Variants in SCARB1 observed in about 807,000 individuals in gnomAD.
SCARB1 encodes CD36 and LIMPII analogous 1.
A neutral mutation model predicts 57.2 loss-of-function variants in SCARB1; 30 were observed. The ratio of observed to expected loss-of-function variants is 0.52; its 90% CI spans 0.39 to 0.71. The LOEUF is 0.71. Among genes scored for constraint, SCARB1 ranks in the 30% least tolerant of loss-of-function variants. The pLI, the probability that SCARB1 is intolerant of heterozygous loss-of-function variation, is 0.00. For synonymous variants in SCARB1, 249 were observed against 268.3 expected, an observed-to-expected ratio of 0.93 and a Z score of 0.70; for missense variants, 543 against 671.2, an observed-to-expected ratio of 0.81 and a Z score of 2.11.
At chr12:124,815,999 T>A (rs1950698989) in intron 2 of SCARB1, among the ~76,000 whole-genome samples, 1 of 151,898 alleles carries the variant, frequency 6.6e-6, no homozygotes, top group Non-Finnish European at 1.5e-5. Context: ...ACTGTCTCCC[T>A]CCCTCGTAAC....
intron 12 of SCARB1, among the ~76,000 whole-genome samples, chr12:124,780,399 G>A (rs1566123689): frequency 6.6e-6 from 1 of 152,162 alleles, no homozygotes; most frequent in South Asian, 2.1e-4. Flanking sequence ...TCCCAAGCAA[G>A]GCAGCCCCTC....
intron 8 of SCARB1, among the ~76,000 whole-genome samples, chr12:124,795,852 A>G (rs1266182077): frequency 2.0e-5 from 3 of 152,224 alleles, no homozygotes; most frequent in African/African-American, 7.2e-5. Context: ...GACAGACAAC[A>G]ATATTTTACA....
Position 124,795,235 on chromosome 12 carries a change from G to A in SCARB1, c.1162C>T (p.Leu388=), listed in dbSNP as rs752824183. 8.7e-6 allele frequency: 14 copies of A among 1,614,046 alleles called. No homozygotes were observed. Among genetic ancestry groups the A allele is most frequent in the Non-Finnish European group, 1.1e-5 (13 of 1,179,926 alleles). ...TGIPMNCSVK[L]QLSLYMKSVA... is the part of the protein sequence containing the mutation. ...GATTTCATGTAGAGGCTCAGCTGCA[G>A]TTTCACAGAGCAGTTCATGGGGATT... Residue 388 remains leucine, a synonymous_variant, in exon 9 of 13, where the codon CTG becomes TTG. Transcript: ENST00000261693.
chr12:124,858,824 A>C (rs1275545982), intron 1 of SCARB1, among the ~76,000 whole-genome samples: 3 of 151,436 alleles, frequency 2.0e-5, no homozygotes, highest in Non-Finnish European at 2.9e-5. Flanking sequence ...GCTTGCAGTG[A>C]GCCGAGATCG....
chr12:124,801,917 G>A (rs1298324687), intron 7 of SCARB1, among the ~76,000 whole-genome samples: 1 of 151,590 alleles, frequency 6.6e-6, no homozygotes, highest in Non-Finnish European at 1.5e-5. Flanking sequence ...TTAGGAGGCC[G>A]AGGCGGGTGG....
At chr12:124,792,869 C>T (rs1471330927) in intron 9 of SCARB1, among the ~76,000 whole-genome samples, 2 of 151,912 alleles carry the variant, frequency 1.3e-5, no homozygotes, top group Non-Finnish European at 2.9e-5. Context: ...CATGGGGCTA[C>T]AGTCAGCTGG....
chr12:124,807,958 ACCCAGACCCGGCGG>A lies in SCARB1; in HGVS notation c.843-45_843-32del, dbSNP rs750374448. ...GGGGACAGACAGGATGAGAGGGGAC[ACCCAGACCCGGCGG>A]CCAGAGCCAGGCCCTGCCAAAGGCT... On this transcript the variant is annotated intron_variant, in intron 6 of 12. Transcript: ENST00000261693. This position sits in a 1 kb window ranked among gnomAD's most constrained non-coding sequence, Gnocchi z 5.3. 6.2e-7 allele frequency: 1 copy of A among 1,611,756 alleles called. No individual in the cohort carries two copies. The highest frequency in any genetic ancestry group is 8.5e-7 in the Non-Finnish European group (1 of 1,178,314).
chr12:124,814,696 A>C lies in SCARB1; in HGVS notation c.426+277T>G, dbSNP rs986336552. The stretch of plus-strand genomic sequence containing the variant: ...GCGGGCCTGTGGCTCAGCCCTCAAC[A>C]AGACAGCCCCTTTTGGAGATCTCAG... On this transcript the variant is annotated intron_variant, in intron 3 of 12. Transcript: ENST00000261693. The surrounding 1 kb of genome is among the most constrained non-coding windows in gnomAD (Gnocchi z 4.7). Among the ~76,000 whole-genome samples, 1 of 152,186 alleles carries C rather than the reference A, an allele frequency of 6.6e-6. No homozygotes were observed. Among genetic ancestry groups the C allele is most frequent in the African/African-American group, 2.4e-5 (1 of 41,464 alleles).
intron 1 of SCARB1, among the ~76,000 whole-genome samples, chr12:124,824,049 C>T (rs372681257): frequency 3.3e-5 from 5 of 151,712 alleles, no homozygotes; most frequent in African/African-American, 1.2e-4. Flanking sequence ...TGGCAGCCAA[C>T]TGTATTCCCA....
intron 1 of SCARB1, among the ~76,000 whole-genome samples, chr12:124,831,612 G>A (rs1021382774): frequency 1.3e-5 from 2 of 152,136 alleles, no homozygotes; most frequent in African/African-American, 2.4e-5. Flanking sequence ...AGACGTGAGA[G>A]GTCTGGGGTC....
intron 1 of SCARB1, among the ~76,000 whole-genome samples, chr12:124,826,102 G>A (rs888022933): frequency 6.6e-6 from 1 of 152,082 alleles, no homozygotes; most frequent in East Asian, 1.9e-4. Flanking sequence ...GGAGGCCGAG[G>A]TGGGAGGATC....
intron 9 of SCARB1, among the ~76,000 whole-genome samples, chr12:124,791,630 G>A (rs1949731679): frequency 1.3e-5 from 2 of 152,146 alleles, no homozygotes; most frequent in East Asian, 3.9e-4. Flanking sequence ...TCACTGAGGG[G>A]CGGTGACGAA....
At position 124,800,048 on chromosome 12, in the gene SCARB1, C is replaced by G. The variant is rs1950076610; in HGVS notation, c.1128+76G>C. On this transcript the variant is annotated intron_variant, in intron 8 of 12. Transcript: ENST00000261693. This position sits in a 1 kb window ranked among gnomAD's most constrained non-coding sequence, Gnocchi z 4.8. Reference sequence around the variant, plus strand: ...ACCCCAGCCCACAGCAGCTCTCTGCCTGGGGAGAGAGGAGGCAGCCAGGTG... The same window carrying G: ...ACCCCAGCCCACAGCAGCTCTCTGCGTGGGGAGAGAGGAGGCAGCCAGGTG... The G allele has an allele frequency of 1.8e-6, 2 of 1,127,130 alleles. No homozygotes were observed. Among genetic ancestry groups the G allele is most frequent in the Non-Finnish European group, 2.7e-6 (2 of 739,134 alleles). 69.8% of individuals were successfully genotyped at this position (1,127,130 alleles called of 1,614,324 possible).
Position 124,814,904 on chromosome 12 carries a change from G to T in SCARB1, c.426+69C>A. 6.2e-7 allele frequency: 1 copy of T among 1,600,240 alleles called. No individual in the cohort carries two copies. The highest frequency in any genetic ancestry group is 8.5e-7 in the Non-Finnish European group (1 of 1,170,358). On this transcript the variant is annotated intron_variant, in intron 3 of 12. Coordinates refer to ENST00000261693, the MANE Select transcript of SCARB1 (RefSeq NM_005505.5). This position sits in a 1 kb window ranked among gnomAD's most constrained non-coding sequence, Gnocchi z 4.7. ...CTCAGGGACTGCTCTCTGCACAAGG[G>T]GCAGGCGGGAGGAGAGACAGGGGAC...
rs776631007 is a variant in SCARB1 at position 124,807,739 on chromosome 12, C to T, written c.1009+22G>A. 5.0e-6 allele frequency: 8 copies of T among 1,613,880 alleles called. No homozygotes were observed. The East Asian group carries it at 1.6e-4, about 31-fold the overall frequency. ...CCACCCTCACACCCTCCCGCCATCC[C>T]AGCACAGGGGACGGCACGTACTGAA... is the stretch of plus-strand genomic sequence containing the variant. On this transcript the variant is annotated intron_variant, in intron 7 of 12. Transcript: ENST00000261693. This position sits in a 1 kb window ranked among gnomAD's most constrained non-coding sequence, Gnocchi z 5.3.
In SCARB1 at chr12:124,838,026, C is replaced by T. The variant is rs138414366; in HGVS notation, c.127-20319G>A. Reference sequence around the variant, plus strand: ...ATGCAGTGGCACTGGCCCACAGCGGCCACCTCGACTTATTTCTGTGTCGTC... The same window carrying T: ...ATGCAGTGGCACTGGCCCACAGCGGTCACCTCGACTTATTTCTGTGTCGTC... On this transcript the variant is annotated intron_variant, in intron 1 of 12. Coordinates refer to ENST00000261693, the MANE Select transcript of SCARB1 (RefSeq NM_005505.5). 3.2e-4 allele frequency among the ~76,000 whole-genome samples: 49 copies of T among 152,390 alleles called. No homozygotes were observed. The East Asian group carries it at 5.2e-3, about 16-fold the overall frequency.
In SCARB1 at chr12:124,822,603, G is replaced by C. The variant is rs1950990469; in HGVS notation, c.127-4896C>G. The stretch of plus-strand genomic sequence containing the variant: ...ACATCTGATGCAACTCATCAAATTA[G>C]GCCAGGCATGGTGGCTCACGCCTGT... On this transcript the variant is annotated intron_variant, in intron 1 of 12. Coordinates refer to ENST00000261693, the MANE Select transcript of SCARB1 (RefSeq NM_005505.5). This position sits in a 1 kb window ranked among gnomAD's most constrained non-coding sequence, Gnocchi z 5.0. 6.6e-6 allele frequency among the ~76,000 whole-genome samples: 1 copy of C among 152,192 alleles called. No individual in the cohort carries two copies. The highest frequency in any genetic ancestry group is 2.4e-5 in the African/African-American group (1 of 41,440).
intron 1 of SCARB1, among the ~76,000 whole-genome samples, chr12:124,838,325 T>C (rs1594353640): frequency 6.6e-6 from 1 of 152,192 alleles, no homozygotes; most frequent in East Asian, 1.9e-4. Flanking sequence ...ATATGCCACA[T>C]GGAGACGTGA....
rs1049886164 is a variant in SCARB1, at chr12:124,799,811, C to A, written c.1128+313G>T. The stretch of plus-strand genomic sequence containing the variant: ...CAGGCTCTTCTTGGTACCTAAAGAT[C>A]TTTATGGTATCTTGACACATCCAGA... On this transcript the variant is annotated intron_variant, in intron 8 of 12. Transcript: ENST00000261693. Among the ~76,000 whole-genome samples the A allele has an allele frequency of 3.9e-4, 59 of 152,144 alleles. 2 individuals carry two copies. The highest frequency in any genetic ancestry group is 3.5e-3 in the Admixed American group (54 of 15,282).
Sources: allele counts gnomAD v4.1 joint callset (sites outside exome capture counted in the v4.1 genomes callset), GRCh38; gene constraint gnomAD v4.1.1; non-coding constraint Gnocchi (gnomAD v3.1); transcripts MANE v1.5; gene names NCBI Gene and HGNC (gene_info 2026-07-23, HGNC 2026-07-21).